ST6GAL1: variants seen among roughly 807,000 people sequenced by gnomAD.
ST6GAL1 encodes ST6 beta-galactoside alpha-2,6-sialyltransferase 1.
A neutral mutation model predicts 38.0 loss-of-function variants in ST6GAL1; 20 were observed. The observed-to-expected ratio is 0.53, with a 90% CI of 0.37 to 0.77. The LOEUF is 0.77. Ranked by LOEUF, ST6GAL1 falls within the 30% of genes least tolerant of loss-of-function variation. ST6GAL1 has a pLI of 0.00. For missense variants in ST6GAL1, 432 were observed against 496.4 expected (o/e 0.87, Z 1.23); for synonymous variants, 196 against 188.2 (o/e 1.04, Z -0.34).
chr3:186,988,014 G>A (rs1031186135), intron 2 of ST6GAL1, among the ~76,000 whole-genome samples: 6 of 152,012 alleles, frequency 3.9e-5, no homozygotes, highest in Admixed American at 6.6e-5. Flanking sequence ...TTGTGGTGTC[G>A]GCACAGTAAA....
At chr3:186,955,284 T>C (rs1714710107) in intron 1 of ST6GAL1, among the ~76,000 whole-genome samples, 1 of 152,238 alleles carries the variant, frequency 6.6e-6, no homozygotes, top group Admixed American at 6.5e-5. Context: ...AGCTTTGTTC[T>C]TTTTGCTTAG....
At chr3:187,069,646 T>C (rs952561420) in intron 5 of ST6GAL1, among the ~76,000 whole-genome samples, 2 of 152,212 alleles carry the variant, frequency 1.3e-5, no homozygotes, top group African/African-American at 4.8e-5. Flanking sequence ...TTCAGAACTC[T>C]AGCATGTTTA....
intron 1 of ST6GAL1, among the ~76,000 whole-genome samples, chr3:186,961,712 G>A (rs1406065317): frequency 6.6e-6 from 1 of 152,216 alleles, no homozygotes; most frequent in Non-Finnish European, 1.5e-5. Flanking sequence ...TTTTGCCTGG[G>A]TCACAGGGCT....
At chr3:187,003,656 GAT>G (rs1446184089) in intron 2 of ST6GAL1, among the ~76,000 whole-genome samples, 2 of 152,096 alleles carry the variant, frequency 1.3e-5, no homozygotes, top group Non-Finnish European at 2.9e-5. Context: ...CAGTATATAA[GAT>G]ATATTTTCCA....
intron 1 of ST6GAL1, among the ~76,000 whole-genome samples, chr3:186,936,864 C>G (rs866449745): frequency 8.7e-5 from 13 of 149,316 alleles, no homozygotes; most frequent in South Asian, 2.1e-4. Flanking sequence ...ATCGTTTGAA[C>G]CCTGGAGGCG....
At chr3:187,028,902 A>G (rs1024918590) in intron 2 of ST6GAL1, among the ~76,000 whole-genome samples, 12 of 152,084 alleles carry the variant, frequency 7.9e-5, no homozygotes, top group African/African-American at 2.9e-4. Flanking sequence ...TAATATACAG[A>G]TTAAACATTT....
chr3:187,067,081 C>CTTTTTTTTTTTTTTTTTTTTTT (rs763013682), intron 5 of ST6GAL1, among the ~76,000 whole-genome samples: 2 of 93,062 alleles, frequency 2.1e-5, no homozygotes, highest in African/African-American at 4.5e-5. Context: ...TTCTTTCTTT[C>CTTTTTTTTTTTTTTTTTTTTTT]TTTTTTTTTT....
chr3:187,014,665 A>G (rs1439664569), intron 2 of ST6GAL1, among the ~76,000 whole-genome samples: 1 of 152,240 alleles, frequency 6.6e-6, no homozygotes, highest in Non-Finnish European at 1.5e-5. Context: ...GGGCACTGGC[A>G]TGATTGCAAT....
intron 2 of ST6GAL1, among the ~76,000 whole-genome samples, chr3:186,965,572 G>C (rs1715078121): frequency 6.6e-6 from 1 of 152,170 alleles, no homozygotes; most frequent in Admixed American, 6.5e-5. Context: ...AGTCCATCTG[G>C]TCCCACACCC....
intron 2 of ST6GAL1, among the ~76,000 whole-genome samples, chr3:187,029,253 C>T (rs1338396119): frequency 3.3e-5 from 5 of 152,018 alleles, no homozygotes; most frequent in African/African-American, 1.2e-4. Flanking sequence ...AGAGCAGCAG[C>T]GTGTCTATAT....
At chr3:187,068,237 G>A (rs548439399) in intron 5 of ST6GAL1, among the ~76,000 whole-genome samples, 3 of 152,120 alleles carry the variant, frequency 2.0e-5, no homozygotes, top group South Asian at 4.1e-4. Flanking sequence ...AGCTACTTGG[G>A]AGGCTGAGGC....
At chr3:187,039,620 G>T (rs1579348441) in intron 3 of ST6GAL1, among the ~76,000 whole-genome samples, 2 of 152,188 alleles carry the variant, frequency 1.3e-5, no homozygotes, top group African/African-American at 2.4e-5. Context: ...ACACAGTCTG[G>T]TGTAATTGGA....
intron 1 of ST6GAL1, among the ~76,000 whole-genome samples, chr3:186,963,150 T>A (rs1714987470): frequency 6.6e-6 from 1 of 152,206 alleles, no homozygotes; most frequent in East Asian, 1.9e-4. Context: ...CAGGCAACTA[T>A]AATAATATAT....
At chr3:187,027,529 T>C (rs1296866003) in intron 2 of ST6GAL1, among the ~76,000 whole-genome samples, 1 of 152,204 alleles carries the variant, frequency 6.6e-6, no homozygotes, top group East Asian at 1.9e-4. Context: ...TCCTCAGTGT[T>C]GCCTCCTCTC....
At chr3:186,977,580 C>T (rs1251375600) in intron 2 of ST6GAL1, among the ~76,000 whole-genome samples, 1 of 152,114 alleles carries the variant, frequency 6.6e-6, no homozygotes, top group Non-Finnish European at 1.5e-5. Context: ...TATGATCCTA[C>T]AGAAACTGCA....
At chr3:187,053,085 A>G (rs1394012666) in intron 5 of ST6GAL1, among the ~76,000 whole-genome samples, 1 of 152,238 alleles carries the variant, frequency 6.6e-6, no homozygotes, top group Non-Finnish European at 1.5e-5. Context: ...TGTTGGCTGC[A>G]TAAATGTCTT....
At chr3:186,934,874 C>G (rs940738766) in intron 1 of ST6GAL1, among the ~76,000 whole-genome samples, 27 of 152,188 alleles carry the variant, frequency 1.8e-4, no homozygotes, top group African/African-American at 6.5e-4. Flanking sequence ...TCACGCCATT[C>G]TCCTGCCTCA....
intron 5 of ST6GAL1, among the ~76,000 whole-genome samples, chr3:187,056,088 G>A (rs1010865082): frequency 1.3e-4 from 20 of 152,022 alleles, no homozygotes; most frequent in South Asian, 4.1e-4. Context: ...TTTGATCTTT[G>A]TTGGTTTAAA....
chr3:186,969,916 G>A (rs146039159), intron 2 of ST6GAL1, among the ~76,000 whole-genome samples: 1,879 of 152,314 alleles, frequency 0.012, 18 homozygotes, highest in Non-Finnish European at 0.017. Context: ...ATTTTGGAGC[G>A]AAGAGTCTGA....
Sources: allele counts gnomAD v4.1 joint callset (sites outside exome capture counted in the v4.1 genomes callset), GRCh38; gene constraint gnomAD v4.1.1; transcripts MANE v1.5; gene names NCBI Gene and HGNC (gene_info 2026-07-23, HGNC 2026-07-21).